The following ZNF678 variants were observed in gnomAD, a reference collection of about 807,000 sequenced individuals.
The protein encoded by ZNF678 is hypothetical protein MGC42493.
ZNF678 carries 5 observed loss-of-function variants against 3.0 expected under a neutral mutation model. That is an observed-to-expected ratio of 1.69 (90% confidence interval 0.88 to 3.56). The LOEUF is 3.56. Among genes scored for constraint, ZNF678 ranks in the 30% most tolerant of loss-of-function variants. ZNF678 has a pLI of 0.00. For missense variants in ZNF678, 593 were observed against 605.0 expected (o/e 0.98, Z 0.21); for synonymous variants, 218 against 199.6 (o/e 1.09, Z -0.78).
In ZNF678 at chr1:227,655,680, C is replaced by G. The variant is rs1231825359; in HGVS notation, c.1430C>G (p.Thr477Ser). 3 of 1,612,712 alleles carry G rather than the reference C, an allele frequency of 1.9e-6. No individual in the cohort carries two copies. Among genetic ancestry groups the G allele is most frequent in the Non-Finnish European group, 2.5e-6 (3 of 1,179,210 alleles). The change falls in exon 4 of 4, where the codon ACT becomes AGT. Residue 477 changes from threonine to serine, a missense_variant. Thr to Ser is a moderately conservative substitution (Grantham distance 58). Transcript: ENST00000343776. ...GCCTTTAACCAGTTCTCAAGCCTTACTCGTCATAAAAGAATTCATACTGGA... is the reference window on the plus strand; with the variant it reads ...GCCTTTAACCAGTTCTCAAGCCTTAGTCGTCATAAAAGAATTCATACTGGA... ...GKAFNQFSSL[T>S]RHKRIHTGEK...
intron 1 of ZNF678, 132 bp downstream of exon 1, chr1:227,563,856 C>T (rs775033751): frequency 1.2e-6 from 1 of 816,014 alleles, no homozygotes; most frequent in Non-Finnish European, 1.8e-6. Flanking sequence ...GGCCAGGCCG[C>T]CGCGGGATTC....
chr1:227,600,138 C>G (rs923875122), intron 1 of ZNF678, among the ~76,000 whole-genome samples: 19 of 152,112 alleles, frequency 1.2e-4, no homozygotes, highest in African/African-American at 4.6e-4. Flanking sequence ...AGGACATGAT[C>G]TCATTTTTTT....
Position 227,595,569 on chromosome 1 carries a change from A to G in ZNF678, c.-164+31845A>G, listed in dbSNP as rs144333488. On this transcript the variant is annotated intron_variant, in intron 1 of 3. Coordinates refer to ENST00000343776, the MANE Select transcript of ZNF678 (RefSeq NM_001367909.1). ...TTTGAAATTTTTTAACATAGTTCCTAGTAGGGTGGGCTTATTTGTGCCTGA... is the reference window on the plus strand; with the variant it reads ...TTTGAAATTTTTTAACATAGTTCCTGGTAGGGTGGGCTTATTTGTGCCTGA... 8.8e-3 allele frequency among the ~76,000 whole-genome samples: 1,340 copies of G among 152,252 alleles called. 26 individuals carry two copies. Among genetic ancestry groups the G allele is most frequent in the African/African-American group, 0.031 (1,277 of 41,538 alleles).
At chr1:227,574,814 T>C (rs1656946971) in intron 1 of ZNF678, among the ~76,000 whole-genome samples, 1 of 152,208 alleles carries the variant, frequency 6.6e-6, no homozygotes, top group Admixed American at 6.5e-5. Flanking sequence ...AAGTGTTCTA[T>C]CCATCTTAAG....
chr1:227,655,581 A>C lies in ZNF678; in HGVS notation c.1331A>C (p.Gln444Pro). 6.2e-7 allele frequency: 1 copy of C among 1,612,224 alleles called. No individual in the cohort carries two copies. The highest frequency in any genetic ancestry group is 8.5e-7 in the Non-Finnish European group (1 of 1,179,138). ...KCKECGKAFY[Q>P]SSILSKHKRI... ...AAAGAATGTGGCAAAGCTTTTTACC[A>C]ATCCTCAATCCTTAGTAAGCATAAG... Residue 444 changes from glutamine (Q) to proline (P), a missense_variant, in exon 4 of 4, where the codon CAA (glutamine) becomes CCA (proline). By Grantham distance (76) the Gln-to-Pro change is moderately conservative. Transcript: ENST00000343776.
intron 1 of ZNF678, among the ~76,000 whole-genome samples, chr1:227,609,144 A>G (rs1343011759): frequency 6.6e-6 from 1 of 152,196 alleles, no homozygotes; most frequent in African/African-American, 2.4e-5. Context: ...CAAACTTTAT[A>G]AGCCATACTT....
chr1:227,630,616 G>T lies in ZNF678; in HGVS notation c.-163-15928G>T, dbSNP rs147014248. Among the ~76,000 whole-genome samples, 698 of 152,288 alleles carry T rather than the reference G, an allele frequency of 4.6e-3. 19 individuals carry two copies. The South Asian group carries it at 0.056, about 12-fold the overall frequency. On this transcript the variant is annotated intron_variant, in intron 1 of 3. Coordinates refer to ENST00000343776, the MANE Select transcript of ZNF678 (RefSeq NM_001367909.1). ...AATTTACCTGGGTCTATTTTAATTT[G>T]CTTCAAGTCTGAGAGGGAAAAAGGT...
In ZNF678 at chr1:227,612,037, A is replaced by AT. The variant is rs139327866; in HGVS notation, c.-163-34503dup. On this transcript the variant is annotated intron_variant, in intron 1 of 3. Transcript: ENST00000343776. The stretch of plus-strand genomic sequence containing the variant: ...AGAAGATGATCGACAACCAGAGACC[A>AT]TTTTGCCTTTAGCTAGCTGGGTCCT... 0.014 allele frequency among the ~76,000 whole-genome samples: 2,067 copies of AT among 152,202 alleles called. 131 individuals carry two copies. In the East Asian group the frequency reaches 0.18, roughly 13 times the overall value.
rs752407959 is a variant in ZNF678, at chr1:227,654,657, G to A, written c.407G>A (p.Arg136Gln). 16 of 1,611,488 alleles carry A rather than the reference G, an allele frequency of 9.9e-6. 1 individual carries two copies. Among genetic ancestry groups the A allele is most frequent in the South Asian group, 2.2e-5 (2 of 90,850 alleles). ...KCEECGKVFN[R>Q]CSNLTKHKRI... Reference sequence around the variant, plus strand: ...GAAGAATGTGGCAAAGTTTTCAATCGATGTTCAAACCTAACAAAACATAAA... The same window carrying A: ...GAAGAATGTGGCAAAGTTTTCAATCAATGTTCAAACCTAACAAAACATAAA... Residue 136 changes from arginine (R) to glutamine (Q), a missense_variant, in exon 4 of 4, where the codon CGA becomes CAA. Physicochemically the swap from Arg to Gln is conservative, Grantham distance 43 (BLOSUM62 1). Transcript: ENST00000343776.
intron 1 of ZNF678, among the ~76,000 whole-genome samples, chr1:227,618,276 C>A (rs942744787): frequency 6.6e-6 from 1 of 152,198 alleles, no homozygotes; most frequent in Non-Finnish European, 1.5e-5. Context: ...GTGGTCCCAT[C>A]TGGGCAATCC....
downstream of ZNF678, among the ~76,000 whole-genome samples, chr1:227,662,666 A>G (rs777288506): frequency 3.0e-4 from 45 of 152,150 alleles, no homozygotes; most frequent in Non-Finnish European, 5.0e-4. Context: ...GAATTACATG[A>G]GTTTCTTTGT....
chr1:227,605,292 C>A (rs749011558), intron 1 of ZNF678, among the ~76,000 whole-genome samples: 1 of 152,168 alleles, frequency 6.6e-6, no homozygotes, highest in Non-Finnish European at 1.5e-5. Context: ...TGTATCTTCA[C>A]CTCATAGTCT....
intron 5 of ZNF678, among the ~76,000 whole-genome samples, chr1:227,671,547 A>C (rs4653862): frequency 0.22 from 33,864 of 152,056 alleles, 3,996 homozygotes; most frequent in African/African-American, 0.28. Context: ...GGGATTCTTC[A>C]TTCTCCATCC....
rs115305320 is a variant in ZNF678 at position 227,641,446 on chromosome 1, G to A, written c.-163-5098G>A. 4.5e-3 allele frequency among the ~76,000 whole-genome samples: 686 copies of A among 152,136 alleles called. 2 individuals are homozygous for A. The highest frequency in any genetic ancestry group is 0.015 in the African/African-American group (623 of 41,510). On this transcript the variant is annotated intron_variant, in intron 1 of 3. Transcript: ENST00000343776. ...TTTTTGCAGTCTCTTAGCAGATGACGTGATATATGTCACATTGTGGTTCAA... is the reference window on the plus strand; with the variant it reads ...TTTTTGCAGTCTCTTAGCAGATGACATGATATATGTCACATTGTGGTTCAA...
intron 1 of ZNF678, among the ~76,000 whole-genome samples, chr1:227,627,972 G>C (rs10916177): frequency 0.13 from 19,672 of 152,238 alleles, 1,668 homozygotes; most frequent in East Asian, 0.25. Flanking sequence ...GAAGAAATGT[G>C]GGTGGGTTAA....
chr1:227,635,515 T>TTGTGTGTGTGTGTGTGTG lies in ZNF678; in HGVS notation c.-163-10997_-163-10980dup, dbSNP rs56135481. ...TACCAGGTGAATTTAGGGTGAACAT[T>TTGTGTGTGTGTGTGTGTG]TGTGTGTGTGTGTGTGTGTGTGTGT... On this transcript the variant is annotated intron_variant, in intron 1 of 3. Coordinates refer to ENST00000343776, the MANE Select transcript of ZNF678 (RefSeq NM_001367909.1). Among the ~76,000 whole-genome samples, 477 of 127,982 alleles carry TTGTGTGTGTGTGTGTGTG rather than the reference T, an allele frequency of 3.7e-3. 7 individuals carry two copies. The highest frequency in any genetic ancestry group is 4.6e-3 in the Non-Finnish European group (280 of 61,316). 84.0% of individuals were successfully genotyped at this position (127,982 alleles called of 152,430 possible).
intron 1 of ZNF678, among the ~76,000 whole-genome samples, chr1:227,594,578 A>T (rs1558136739): frequency 6.6e-6 from 1 of 152,220 alleles, no homozygotes; most frequent in African/African-American, 2.4e-5. Flanking sequence ...AAGTATACAT[A>T]TTTTTAACCT....
chr1:227,595,085 C>G (rs962329974), intron 1 of ZNF678, among the ~76,000 whole-genome samples: 1 of 151,904 alleles, frequency 6.6e-6, no homozygotes, highest in Non-Finnish European at 1.5e-5. Flanking sequence ...TATAGGGTTA[C>G]GGAGAATACC....
chr1:227,591,946 G>A (rs1657425983), intron 1 of ZNF678, among the ~76,000 whole-genome samples: 1 of 152,162 alleles, frequency 6.6e-6, no homozygotes, highest in Non-Finnish European at 1.5e-5. Flanking sequence ...GCCGTGCGTG[G>A]ACCAGTCAGT....
Sources: gnomAD v4.1 joint callset for allele counts (sites outside exome capture counted in the v4.1 genomes callset) on GRCh38, gnomAD v4.1.1 for gene constraint, MANE v1.5 for transcripts, NCBI Gene and HGNC (gene_info 2026-07-23, HGNC 2026-07-21) for gene names.